Variants in TSPAN5 observed in about 807,000 individuals in gnomAD.
TSPAN5 encodes tetraspanin 5.
A neutral mutation model predicts 37.1 loss-of-function variants in TSPAN5; 10 were observed. That is an observed-to-expected ratio of 0.27 (90% CI 0.17 to 0.46). The LOEUF (loss-of-function observed/expected upper bound fraction) is 0.46, where lower values mean the gene tolerates loss of function less well. Among genes scored for constraint, TSPAN5 ranks in the 20% least tolerant of loss-of-function variants. TSPAN5 has a pLI of 1.00. For missense variants in TSPAN5, 195 were observed against 326.6 expected, an observed-to-expected ratio of 0.60 and a Z score of 3.11; for synonymous variants, 110 against 118.9, an observed-to-expected ratio of 0.93 and a Z score of 0.48.
At chr4:98,533,652 A>T (rs1169083473) in intron 1 of TSPAN5, among the ~76,000 whole-genome samples, 2 of 141,286 alleles carry the variant, frequency 1.4e-5, no homozygotes, top group Admixed American at 7.3e-5. Flanking sequence ...CCGGGTTCAC[A>T]CTATTCTCCT....
chr4:98,535,637 G>T (rs1197891691), intron 1 of TSPAN5, among the ~76,000 whole-genome samples: 3 of 152,134 alleles, frequency 2.0e-5, no homozygotes, highest in Non-Finnish European at 4.4e-5. Flanking sequence ...TTTCCAACTT[G>T]GTTCCATTCT....
intron 1 of TSPAN5, among the ~76,000 whole-genome samples, chr4:98,632,812 G>A (rs1756776918): frequency 1.3e-5 from 2 of 152,168 alleles, no homozygotes; most frequent in South Asian, 4.1e-4. Flanking sequence ...TGGAAGAGAA[G>A]GAAGAGGAGA....
chr4:98,483,927 G>C (rs1485456050), intron 3 of TSPAN5: 1 of 160,360 alleles, frequency 6.2e-6, no homozygotes, highest in Non-Finnish European at 1.4e-5. Flanking sequence ...CCCTGTATTA[G>C]GCCCCACCTT....
chr4:98,598,579 C>T (rs1383145425), intron 1 of TSPAN5, among the ~76,000 whole-genome samples: 2 of 152,220 alleles, frequency 1.3e-5, no homozygotes, highest in Non-Finnish European at 2.9e-5. Context: ...ATTCTCCCAC[C>T]TCAGCCTCCC....
At chr4:98,488,564 A>G (rs1753022137) in intron 2 of TSPAN5, among the ~76,000 whole-genome samples, 1 of 152,248 alleles carries the variant, frequency 6.6e-6, no homozygotes, top group Admixed American at 6.5e-5. Context: ...GGTGACATCA[A>G]AGAAGGCAAC....
intron 1 of TSPAN5, among the ~76,000 whole-genome samples, chr4:98,653,937 G>A (rs1757244867): frequency 6.6e-6 from 1 of 152,186 alleles, no homozygotes; most frequent in Non-Finnish European, 1.5e-5. Context: ...CAGTCTGCAT[G>A]AGTGCTCTAA....
chr4:98,657,779 C>T (rs1211073935), intron 1 of TSPAN5: 1 of 298,054 alleles, frequency 3.4e-6, no homozygotes. Flanking sequence ...CCTATTATGA[C>T]ACCACGCTCT....
At chr4:98,521,083 C>A (rs1454500972) in intron 1 of TSPAN5, among the ~76,000 whole-genome samples, 1 of 152,156 alleles carries the variant, frequency 6.6e-6, no homozygotes, top group Non-Finnish European at 1.5e-5. Context: ...AGGTGCGTGC[C>A]ACCACGCCTG....
Position 98,607,615 on chromosome 4 carries a change from T to C in TSPAN5, c.81+50531A>G, listed in dbSNP as rs138812619. On this transcript the variant is annotated intron_variant, in intron 1 of 7. Transcript: ENST00000305798. Reference sequence around the variant, plus strand: ...TATTTTATCAGTCCTATTGCCTACATATACATTTTGTTACAACCTTCCTTA... The same window carrying C: ...TATTTTATCAGTCCTATTGCCTACACATACATTTTGTTACAACCTTCCTTA... 3.9e-3 allele frequency among the ~76,000 whole-genome samples: 588 copies of C among 152,242 alleles called. 2 individuals are homozygous for C. The highest frequency in any genetic ancestry group is 0.013 in the African/African-American group (551 of 41,546).
intron 1 of TSPAN5, among the ~76,000 whole-genome samples, chr4:98,604,679 T>C (rs1181720736): frequency 1.3e-5 from 2 of 152,198 alleles, no homozygotes; most frequent in East Asian, 1.9e-4. Context: ...TAGAGAAATA[T>C]CTGTTCCTAA....
At chr4:98,644,909 T>C (rs1757030068) in intron 1 of TSPAN5, among the ~76,000 whole-genome samples, 1 of 152,098 alleles carries the variant, frequency 6.6e-6, no homozygotes. Context: ...GAACATGGAG[T>C]ATGCAAACAT....
chr4:98,566,348 G>T lies in TSPAN5; in HGVS notation c.82-58620C>A, dbSNP rs1489582420. Among the ~76,000 whole-genome samples the T allele has an allele frequency of 5.3e-5, 8 of 151,864 alleles. No homozygotes were observed. In the East Asian group the frequency reaches 1.6e-3, roughly 29 times the overall value. ...CTTGGCTTGTAAAAACCTTATGGCG[G>T]GTGGGGGTGGGGAAATGAGGGATGC... On this transcript the variant is annotated intron_variant, in intron 1 of 7. Coordinates refer to ENST00000305798, the MANE Select transcript of TSPAN5 (RefSeq NM_005723.4).
intron 1 of TSPAN5, among the ~76,000 whole-genome samples, chr4:98,592,409 T>A (rs1471847620): frequency 7.0e-6 from 1 of 143,420 alleles, no homozygotes; most frequent in Non-Finnish European, 1.5e-5. Flanking sequence ...TTTACCTAAC[T>A]AAGGGATCTC....
intron 1 of TSPAN5, among the ~76,000 whole-genome samples, chr4:98,508,975 G>T (rs887182519): frequency 6.6e-6 from 1 of 152,088 alleles, no homozygotes. Flanking sequence ...GAAAACAATG[G>T]AGTGTTTTGT....
chr4:98,616,721 C>T (rs906741051), intron 1 of TSPAN5, among the ~76,000 whole-genome samples: 2 of 152,290 alleles, frequency 1.3e-5, no homozygotes, highest in African/African-American at 2.4e-5. Context: ...GCCTCTCAAA[C>T]AACAGTTGCA....
chr4:98,499,530 G>T (rs1019276375), intron 2 of TSPAN5, among the ~76,000 whole-genome samples: 1 of 152,104 alleles, frequency 6.6e-6, no homozygotes, highest in Non-Finnish European at 1.5e-5. Flanking sequence ...CAGTTTAAAG[G>T]GGAATACATA....
At chr4:98,642,125 C>T (rs921551526) in intron 1 of TSPAN5, among the ~76,000 whole-genome samples, 3 of 152,302 alleles carry the variant, frequency 2.0e-5, no homozygotes, top group Non-Finnish European at 2.9e-5. Context: ...ATTTGCACAG[C>T]TATTCCTGCT....
At chr4:98,495,197 G>C in intron 2 of TSPAN5, among the ~76,000 whole-genome samples, 1 of 152,122 alleles carries the variant, frequency 6.6e-6, no homozygotes, top group East Asian at 1.9e-4. Flanking sequence ...GCTGTTCAGT[G>C]GTTTGATGAA....
rs112682951 is a variant in TSPAN5 at position 98,598,828 on chromosome 4, G to A, written c.81+59318C>T. Among the ~76,000 whole-genome samples, 634 of 152,150 alleles carry A rather than the reference G, an allele frequency of 4.2e-3. 4 individuals are homozygous for A. The highest frequency in any genetic ancestry group is 6.5e-3 in the Non-Finnish European group (441 of 68,014). On this transcript the variant is annotated intron_variant, in intron 1 of 7. Transcript: ENST00000305798. ...TTTGAGAGAGAGTCTCATTTTCTACGTTCAAAGGCAGGAATAACAGGAACT... is the reference window on the plus strand; with the variant it reads ...TTTGAGAGAGAGTCTCATTTTCTACATTCAAAGGCAGGAATAACAGGAACT...
Sources: allele counts gnomAD v4.1 joint callset (sites outside exome capture counted in the v4.1 genomes callset), GRCh38; gene constraint gnomAD v4.1.1; transcripts MANE v1.5; gene names NCBI Gene and HGNC (gene_info 2026-07-23, HGNC 2026-07-21).